Variants in KPNB1 observed in about 807,000 individuals in gnomAD.
KPNB1 encodes the protein karyopherin subunit beta 1.
In KPNB1, 7 loss-of-function variants were observed where a neutral mutation model predicts 113.0. The observed-to-expected ratio is 0.06, with a 90% CI of 0.04 to 0.12. The LOEUF (loss-of-function observed/expected upper bound fraction) is 0.12, where lower values mean the gene tolerates loss of function less well. Ranked by LOEUF, KPNB1 falls within the 10% of genes least tolerant of loss-of-function variation. KPNB1 has a pLI of 1.00. For synonymous variants in KPNB1, 363 were observed against 378.6 expected, an observed-to-expected ratio of 0.96 and a Z score of 0.48; for missense variants, 400 against 1,054.8, an observed-to-expected ratio of 0.38 and a Z score of 8.60.
intron 21 of KPNB1, among the ~76,000 whole-genome samples, chr17:47,681,686 G>GTTTGTTTTTTTT (rs1567896578): frequency 5.2e-5 from 5 of 96,026 alleles, no homozygotes; most frequent in Non-Finnish European, 9.5e-5. Flanking sequence ...GGAATTATAG[G>GTTTGTTTTTTTT]TTTTTTTTTT....
At position 47,664,222 on chromosome 17, in the gene KPNB1, T is replaced by G; in HGVS notation, c.850T>G (p.Ser284Ala). ...EVALQGIEFW[S>A]NVCDEEMDLA... is the part of the protein sequence containing the mutation. ...GGCTTTACAAGGGATAGAATTCTGG[T>G]CCAATGTCTGTGATGAGGAAATGGA... Residue 284 changes from serine (S) to alanine (A), a missense_variant, in exon 8 of 22, where the codon TCC becomes GCC. Physicochemically the swap from Ser to Ala is moderately conservative, Grantham distance 99. Transcript: ENST00000290158. 1 of 1,613,724 alleles carries G rather than the reference T, an allele frequency of 6.2e-7. No homozygotes were observed. Among genetic ancestry groups the G allele is most frequent in the Non-Finnish European group, 8.5e-7 (1 of 1,179,724 alleles).
chr17:47,662,016 A>C (rs2030113903), intron 6 of KPNB1, among the ~76,000 whole-genome samples: 1 of 152,080 alleles, frequency 6.6e-6, no homozygotes, highest in Non-Finnish European at 1.5e-5. Flanking sequence ...TATACCCAAA[A>C]CCTGACCCTT....
chr17:47,673,677 G>C, intron 14 of KPNB1, 116 bp downstream of exon 14: 1 of 787,032 alleles, frequency 1.3e-6, no homozygotes. Flanking sequence ...CGGATCAGAA[G>C]CTGTTCTCAG....
In KPNB1 at chr17:47,668,203, C is replaced by T. The variant is rs749039256; in HGVS notation, c.1017C>T (p.Asp339=). 1.2e-5 allele frequency: 19 copies of T among 1,613,520 alleles called. No individual in the cohort carries two copies. The Middle Eastern group carries it at 4.9e-4, about 42-fold the overall frequency. The change falls in exon 10 of 22, where the codon GAC becomes GAT. Residue 339 remains aspartate (D), a synonymous_variant. Coordinates refer to ENST00000290158, the MANE Select transcript of KPNB1 (RefSeq NM_002265.6). ...TTCACCAGGACGAAAATGATGATGACGATGACTGGAACCCCTGCAAAGCAG... is the reference window on the plus strand; with the variant it reads ...TTCACCAGGACGAAAATGATGATGATGATGACTGGAACCCCTGCAAAGCAG... ...TLTKQDENDD[D]DDWNPCKAAG... is the part of the protein sequence containing the mutation.
At position 47,684,271 on chromosome 17, in the gene KPNB1, G is replaced by C. The variant is rs770083585; in HGVS notation, c.*1867G>C. ...CATCCATATGGCAGCATCTCTAATA[G>C]CTCTTGTACAGGGTATCAGATATTG... On this transcript the variant is annotated 3_prime_UTR_variant, in exon 22 of 22. Coordinates refer to ENST00000290158, the MANE Select transcript of KPNB1 (RefSeq NM_002265.6). 4.0e-5 allele frequency: 6 copies of C among 151,724 alleles called. No homozygotes were observed. Among genetic ancestry groups the C allele is most frequent in the Non-Finnish European group, 5.9e-5 (4 of 67,988 alleles). 9.4% of individuals were successfully genotyped at this position (151,724 alleles called of 1,614,324 possible).
chr17:47,670,879 C>T (rs748670832), intron 12 of KPNB1, 47 bp downstream of exon 12: 6 of 1,529,654 alleles, frequency 3.9e-6, no homozygotes, highest in Non-Finnish European at 3.6e-6. Context: ...CATCCAAGTT[C>T]TATTGCCTTC....
chr17:47,651,240 G>A, intron 2 of KPNB1: 1 of 985,262 alleles, frequency 1.0e-6, no homozygotes, highest in South Asian at 4.7e-5. Flanking sequence ...GCTAGAGACT[G>A]GTCCTTTGTA....
chr17:47,650,658 G>C (rs1431915697), intron 2 of KPNB1, among the ~76,000 whole-genome samples: 1 of 151,942 alleles, frequency 6.6e-6, no homozygotes, highest in African/African-American at 2.4e-5. Flanking sequence ...CTGGCCAATG[G>C]CTTGGCGCGC....
intron 7 of KPNB1, among the ~76,000 whole-genome samples, chr17:47,663,524 C>T (rs1386848744): frequency 3.3e-5 from 5 of 151,882 alleles, no homozygotes; most frequent in Admixed American, 2.0e-4. Context: ...ATTAGCTGAA[C>T]GTGGTGGCAC....
At chr17:47,675,372 G>GTTTTTTTT (rs755565036) in intron 15 of KPNB1, among the ~76,000 whole-genome samples, 5 of 86,090 alleles carry the variant, frequency 5.8e-5, no homozygotes, top group African/African-American at 1.0e-4. Flanking sequence ...TTTTTTTTTT[G>GTTTTTTTT]TTTTTTTTTT....
intron 20 of KPNB1, 89 bp downstream of exon 20, chr17:47,680,223 A>C: frequency 1.0e-6 from 1 of 957,060 alleles, no homozygotes; most frequent in Non-Finnish European, 1.7e-6. Context: ...AGTATCGCGG[A>C]TGGCAACAGT....
At chr17:47,677,472 CA>C (rs746941632) in intron 17 of KPNB1, among the ~76,000 whole-genome samples, 5,335 of 53,322 alleles carry the variant, frequency 0.1, 74 homozygotes, top group East Asian at 0.23. Flanking sequence ...AACTCCGTCT[CA>C]AAAAAAAAAA....
intron 8 of KPNB1, among the ~76,000 whole-genome samples, chr17:47,664,770 AGT>A (rs562843103): frequency 1.3e-5 from 2 of 152,032 alleles, no homozygotes; most frequent in Non-Finnish European, 1.5e-5. Context: ...AGGCAAACTG[AGT>A]GTGTGTTGAT....
At position 47,684,093 on chromosome 17, in the gene KPNB1, T is replaced by C. The variant is rs1266516517; in HGVS notation, c.*1689T>C. 1.3e-5 allele frequency: 2 copies of C among 152,204 alleles called. No individual in the cohort carries two copies. The highest frequency in any genetic ancestry group is 1.9e-4 in the East Asian group (1 of 5,192). 9.4% of individuals were successfully genotyped at this position (152,204 alleles called of 1,614,324 possible). On this transcript the variant is annotated 3_prime_UTR_variant, in exon 22 of 22. Transcript: ENST00000290158. ...CCAAGGAAGTTTTAAAATTGCTTCC[T>C]GGTCCTTAGAGGACTAAAAACAAGA...
intron 5 of KPNB1, among the ~76,000 whole-genome samples, chr17:47,659,346 CAAAA>C (rs1169238660): frequency 3.3e-5 from 5 of 150,138 alleles, no homozygotes; most frequent in Non-Finnish European, 5.9e-5. Context: ...AAGACTGTCT[CAAAA>C]AAAATAAAAA....
chr17:47,650,489 C>G, intron 2 of KPNB1, 45 bp downstream of exon 2: 1 of 1,570,618 alleles, frequency 6.4e-7, no homozygotes, highest in South Asian at 1.2e-5. Flanking sequence ...TCCCCATCCC[C>G]TGCGTGCGGG....
intron 20 of KPNB1, 126 bp from the exon 21 acceptor site, chr17:47,680,382 C>T: frequency 9.1e-7 from 1 of 1,104,126 alleles, no homozygotes; most frequent in Non-Finnish European, 1.3e-6. Flanking sequence ...GTCTAGTGAC[C>T]TCTACTGAGG....
chr17:47,669,817 G>A lies in KPNB1; in HGVS notation c.1364G>A (p.Cys455Tyr). The stretch of plus-strand genomic sequence containing the variant: ...GTCTACTTGGCTCCCCTGCTACAGT[G>A]TCTGATTGAGGGTCTCAGTGCTGAA... ...NDVYLAPLLQ[C>Y]LIEGLSAEPR... The change falls in exon 11 of 22, where the codon TGT (cysteine) becomes TAT (tyrosine). Residue 455 changes from cysteine (C) to tyrosine (Y), a missense_variant. Coordinates refer to ENST00000290158, the MANE Select transcript of KPNB1 (RefSeq NM_002265.6). 6.2e-7 allele frequency: 1 copy of A among 1,614,098 alleles called. No individual in the cohort carries two copies. Among genetic ancestry groups the A allele is most frequent in the Non-Finnish European group, 8.5e-7 (1 of 1,179,958 alleles).
chr17:47,664,960 TG>T lies in KPNB1; in HGVS notation c.898-96del, dbSNP rs370088602. ...GTTACCATTTGTCCTTGTATGTTTC[TG>T]TTTCTGTTAAGAGATCCCTGTTCGG... On this transcript the variant is annotated intron_variant, in intron 8 of 21. Transcript: ENST00000290158. 4.7e-4 allele frequency: 407 copies of T among 859,892 alleles called. No individual in the cohort carries two copies. The African/African-American group carries it at 5.9e-3, about 12-fold the overall frequency. The allele number at this position is 859,892 out of a possible 1,614,324, so 53.3% of individuals were successfully genotyped here.
Sources: gnomAD v4.1 joint callset for allele counts (sites outside exome capture counted in the v4.1 genomes callset) on GRCh38, gnomAD v4.1.1 for gene constraint, MANE v1.5 for transcripts, NCBI Gene and HGNC (gene_info 2026-07-23, HGNC 2026-07-21) for gene names.